Variants in MXI1 observed in about 807,000 individuals in gnomAD.
MXI1 encodes the protein MAX interactor 1, dimerization protein, also known as max-interacting protein 1.
A neutral mutation model predicts 36.9 loss-of-function variants in MXI1; 18 were observed. The observed-to-expected ratio is 0.49, with a 90% CI of 0.34 to 0.72. The LOEUF (loss-of-function observed/expected upper bound fraction) is 0.72. MXI1 is among the 30% of genes least tolerant of loss of function. The pLI, the probability that MXI1 is intolerant of heterozygous loss-of-function variation, is 0.01. For missense variants in MXI1, 304 were observed against 379.1 expected, an observed-to-expected ratio of 0.80 and a Z score of 1.64; for synonymous variants, 160 against 146.7, an observed-to-expected ratio of 1.09 and a Z score of -0.65.
chr10:110,265,051 C>A (rs959129743), intron 3 of MXI1, among the ~76,000 whole-genome samples: 2 of 151,950 alleles, frequency 1.3e-5, no homozygotes, highest in Non-Finnish European at 2.9e-5. Context: ...AAAGCTGGAG[C>A]TCAAATATAT....
rs1402717978 is a variant in MXI1, at chr10:110,244,817, TTG to T, written c.408-9_408-8del. The T allele has an allele frequency of 1.5e-5, 24 of 1,566,638 alleles. No homozygotes were observed. The East Asian group carries it at 1.9e-4, about 12-fold the overall frequency. On this transcript the variant is annotated splice_polypyrimidine_tract_variant and intron_variant, in intron 2 of 5. Transcript: ENST00000332674. ...GCATGGCTAATGCTTTTTTTTTTTTTTGTCTTTTAGATCTACACACAATGAGC... is the reference window on the plus strand; with the variant it reads ...GCATGGCTAATGCTTTTTTTTTTTTTTCTTTTAGATCTACACACAATGAGC...
chr10:110,244,913 T>G, intron 3 of MXI1, 56 bp downstream of exon 3: 1 of 1,565,040 alleles, frequency 6.4e-7, no homozygotes, highest in Non-Finnish European at 8.7e-7. Flanking sequence ...ACTCACCATT[T>G]TACCTGTGAA....
intron 3 of MXI1, among the ~76,000 whole-genome samples, chr10:110,275,040 A>G (rs368915044): frequency 6.7e-6 from 1 of 148,554 alleles, no homozygotes; most frequent in East Asian, 1.9e-4. Context: ...ATGCCTGGCT[A>G]ATTTTTGTAT....
At chr10:110,221,695 A>G (rs1378582924) in intron 1 of MXI1, among the ~76,000 whole-genome samples, 2 of 152,242 alleles carry the variant, frequency 1.3e-5, no homozygotes. Flanking sequence ...ATGGAAGTCA[A>G]GTGCAGCTGT....
At position 110,279,024 on chromosome 10, in the gene MXI1, G is replaced by A. The variant is rs561215588; in HGVS notation, c.438-156G>A. Among the ~76,000 whole-genome samples, 3 of 152,206 alleles carry A rather than the reference G, an allele frequency of 2.0e-5. No homozygotes were observed. In the East Asian group the frequency reaches 5.8e-4, roughly 29 times the overall value. ...ACAGAAATAGCAGAGACTGAAATGC[G>A]GCCACCCCTACATTCTTTGACAGTG... On this transcript the variant is annotated intron_variant, in intron 3 of 5. Coordinates refer to ENST00000332674, the MANE Select transcript of MXI1 (RefSeq NM_130439.3).
intron 1 of MXI1, chr10:110,227,202 C>A: frequency 3.8e-6 from 1 of 260,710 alleles, no homozygotes; most frequent in Non-Finnish European, 4.6e-6. Flanking sequence ...GAGGGTCGCG[C>A]GTGTGTGAGG....
At chr10:110,272,003 A>G (rs1249853778) in intron 3 of MXI1, among the ~76,000 whole-genome samples, 1 of 152,098 alleles carries the variant, frequency 6.6e-6, no homozygotes, top group Non-Finnish European at 1.5e-5. Flanking sequence ...TCCCTCTCCA[A>G]ACCTTTGAGA....
At position 110,286,378 on chromosome 10, in the gene MXI1, A is replaced by T. The variant is rs918818932; in HGVS notation, c.*1391A>T. 4 of 151,538 alleles carry T rather than the reference A, an allele frequency of 2.6e-5. No homozygotes were observed. Among genetic ancestry groups the T allele is most frequent in the African/African-American group, 9.8e-5 (4 of 41,020 alleles). 9.4% of individuals were successfully genotyped at this position (151,538 alleles called of 1,614,324 possible). On this transcript the variant is annotated 3_prime_UTR_variant, in exon 6 of 6. Transcript: ENST00000332674. Reference sequence around the variant, plus strand: ...GTCATGTGTTCCCTTTGTCTTTCAAACTCCAAGGTTCCCTTGTGGCCCTCT... The same window carrying T: ...GTCATGTGTTCCCTTTGTCTTTCAATCTCCAAGGTTCCCTTGTGGCCCTCT...
chr10:110,260,306 C>T (rs191955374), intron 3 of MXI1, among the ~76,000 whole-genome samples: 108 of 151,974 alleles, frequency 7.1e-4, no homozygotes, highest in African/African-American at 2.5e-3. Context: ...GAAATCCCTG[C>T]CTACATGTAA....
At position 110,208,622 on chromosome 10, in the gene MXI1, T is replaced by G. The variant is rs941472897; in HGVS notation, c.274+540T>G. 4 of 152,310 alleles carry G rather than the reference T, an allele frequency of 2.6e-5. No individual in the cohort carries two copies. In the East Asian group the frequency reaches 7.7e-4, roughly 29 times the overall value. The allele number at this position is 152,310 out of a possible 1,614,324, so 9.4% of individuals were successfully genotyped here. A position where few individuals can be genotyped will look rare whatever the true frequency, so the allele number is the denominator to read the frequency against. On this transcript the variant is annotated intron_variant, in intron 1 of 5. Transcript: ENST00000332674. The stretch of plus-strand genomic sequence containing the variant: ...TCCACGGCGTGGGCTCGGCTCTGTC[T>G]CTCTCTCTCCCTCCTACTTCGCCTT...
chr10:110,225,939 G>A (rs1392154505), intron 1 of MXI1: 1 of 875,348 alleles, frequency 1.1e-6, no homozygotes, highest in Non-Finnish European at 1.4e-6. Context: ...GGCAGGGGCG[G>A]GAGGGGGCGG....
intron 2 of MXI1, among the ~76,000 whole-genome samples, chr10:110,234,369 G>C (rs1278271787): frequency 1.3e-5 from 2 of 152,130 alleles, no homozygotes; most frequent in African/African-American, 4.8e-5. Flanking sequence ...GTATAGTGCT[G>C]ATGAAATATA....
chr10:110,255,650 C>T (rs1393628998), intron 3 of MXI1, among the ~76,000 whole-genome samples: 3 of 152,088 alleles, frequency 2.0e-5, no homozygotes, highest in African/African-American at 7.2e-5. Context: ...ATACAAAATA[C>T]TTTTGAAATA....
At chr10:110,243,728 G>A (rs1177697873) in intron 2 of MXI1, among the ~76,000 whole-genome samples, 2 of 152,044 alleles carry the variant, frequency 1.3e-5, no homozygotes, top group Non-Finnish European at 2.9e-5. Context: ...TAACTTTAGA[G>A]TTCATTATAT....
chr10:110,209,928 A>G (rs1285545625), intron 1 of MXI1, among the ~76,000 whole-genome samples: 1 of 55,056 alleles, frequency 1.8e-5, no homozygotes, highest in African/African-American at 7.6e-5. Flanking sequence ...CCCCTACCCC[A>G]GCCACCCCCC....
intron 1 of MXI1, chr10:110,225,943 G>A: frequency 1.1e-6 from 1 of 896,362 alleles, no homozygotes. Flanking sequence ...GGGGCGGGAG[G>A]GGGCGGGCCC....
At chr10:110,263,991 C>G (rs1856603365) in intron 3 of MXI1, among the ~76,000 whole-genome samples, 1 of 152,140 alleles carries the variant, frequency 6.6e-6, no homozygotes, top group Admixed American at 6.5e-5. Flanking sequence ...TTCTAAATTT[C>G]CATACATGCT....
chr10:110,268,857 T>TA (rs1430961334), intron 3 of MXI1, among the ~76,000 whole-genome samples: 1 of 152,222 alleles, frequency 6.6e-6, no homozygotes, highest in Non-Finnish European at 1.5e-5. Flanking sequence ...TCTCTATTAT[T>TA]ATCAGGGACT....
intron 5 of MXI1, among the ~76,000 whole-genome samples, chr10:110,280,364 G>T (rs1220200898): frequency 6.6e-6 from 1 of 151,746 alleles, no homozygotes; most frequent in East Asian, 1.9e-4. Flanking sequence ...TAGATTGAGG[G>T]TATACAGTTG....
Sources: allele counts gnomAD v4.1 joint callset (sites outside exome capture counted in the v4.1 genomes callset), GRCh38; gene constraint gnomAD v4.1.1; transcripts MANE v1.5; gene names NCBI Gene and HGNC (gene_info 2026-07-23, HGNC 2026-07-21).